ASS1: variants seen among roughly 807,000 people sequenced by gnomAD.
ASS1 encodes the protein argininosuccinate synthase 1.
ASS1 carries 58 observed loss-of-function variants against 60.5 expected under a neutral mutation model. That is an observed-to-expected ratio of 0.96 (90% CI 0.78 to 1.19). ASS1 has a LOEUF of 1.19. Among genes scored for constraint, ASS1 ranks in the 50% most tolerant of loss-of-function variants. The pLI is 0.00. For missense variants in ASS1, 454 were observed against 547.3 expected, an observed-to-expected ratio of 0.83 and a Z score of 1.70; for synonymous variants, 200 against 206.9, an observed-to-expected ratio of 0.97 and a Z score of 0.29.
rs186107267 is a variant in ASS1 at position 130,445,670 on chromosome 9, G to C, written c.-6+675G>C. Among the ~76,000 whole-genome samples, 1,000 of 152,270 alleles carry C rather than the reference G, an allele frequency of 6.6e-3. 10 individuals are homozygous for C. Among genetic ancestry groups the C allele is most frequent in the Non-Finnish European group, 9.8e-3 (668 of 68,014 alleles). ...GCAGTGCCAGGAATATTTTCTATTC[G>C]GGCTGCTGTTGCCTTTGGCCCCTGG... On this transcript the variant is annotated intron_variant, in intron 1 of 14. Transcript: ENST00000352480.
Position 130,480,800 on chromosome 9 carries a change from C to T in ASS1, c.838+351C>T, listed in dbSNP as rs954331750. Among the ~76,000 whole-genome samples the T allele has an allele frequency of 5.9e-5, 9 of 152,220 alleles. No homozygotes were observed. The South Asian group carries it at 1.7e-3, about 28-fold the overall frequency. On this transcript the variant is annotated intron_variant, in intron 11 of 14. Transcript: ENST00000352480. ...GGTGTGGAGGCAGACCGTGCAGGCC[C>T]GATTTCGTGGTCATTAAGGCCGCAT...
chr9:130,471,442 T>G (rs771355143), intron 7 of ASS1, 43 bp from the exon 8 acceptor site: 1 of 1,610,952 alleles, frequency 6.2e-7, no homozygotes, highest in Non-Finnish European at 8.5e-7. Context: ...GGACATGCCA[T>G]GTCCCTCCCC....
intron 1 of ASS1, 43 bp from the exon 2 acceptor site, chr9:130,452,181 G>A (rs1845342252): frequency 6.4e-7 from 1 of 1,561,290 alleles, no homozygotes; most frequent in Non-Finnish European, 8.8e-7. Context: ...GGGGGGCACT[G>A]GCTGTCTCAG....
intron 11 of ASS1, among the ~76,000 whole-genome samples, chr9:130,481,262 A>C (rs1846166940): frequency 6.6e-6 from 1 of 152,044 alleles, no homozygotes; most frequent in African/African-American, 2.4e-5. Flanking sequence ...TGTGTGATAA[A>C]GCCATGCTGT....
At position 130,480,258 on chromosome 9, in the gene ASS1, G is replaced by A. The variant is rs1846134781; in HGVS notation, c.774-127G>A. On this transcript the variant is annotated intron_variant, in intron 10 of 14. Transcript: ENST00000352480. ...TGACCCGGCTCAGATGTCCTCTTGA[G>A]TCTTAGATCCTGAAATGCTGCCTAA... 18 of 1,051,486 alleles carry A rather than the reference G, an allele frequency of 1.7e-5. No individual in the cohort carries two copies. The East Asian group carries it at 4.5e-4, about 26-fold the overall frequency. The allele number at this position is 1,051,486 out of a possible 1,614,324, so 65.1% of individuals were successfully genotyped here. A position where few individuals can be genotyped will look rare whatever the true frequency, so the allele number is the denominator to read the frequency against.
chr9:130,490,195 C>A (rs1375081521), intron 12 of ASS1, among the ~76,000 whole-genome samples: 1 of 152,270 alleles, frequency 6.6e-6, no homozygotes, highest in African/African-American at 2.4e-5. Flanking sequence ...CAAAATCCAA[C>A]CCTCATGTGG....
At chr9:130,456,249 T>G (rs1845446733) in intron 3 of ASS1, among the ~76,000 whole-genome samples, 1 of 152,210 alleles carries the variant, frequency 6.6e-6, no homozygotes, top group South Asian at 2.1e-4. Context: ...GCAGATCACC[T>G]GAGGTCAGGA....
At chr9:130,463,679 G>A (rs1231055080) in intron 4 of ASS1, among the ~76,000 whole-genome samples, 1 of 152,204 alleles carries the variant, frequency 6.6e-6, no homozygotes, top group Non-Finnish European at 1.5e-5. Flanking sequence ...GTTCCCAAAT[G>A]TATGGGTATG....
chr9:130,484,830 C>T (rs1016795053), intron 11 of ASS1, among the ~76,000 whole-genome samples: 6 of 144,766 alleles, frequency 4.1e-5, no homozygotes, highest in Admixed American at 1.4e-4. Context: ...CACACACACA[C>T]GTGCGCGCGC....
In ASS1 at chr9:130,452,272, T is replaced by C; in HGVS notation, c.44T>C (p.Leu15Pro). The C allele has an allele frequency of 1.2e-6, 2 of 1,614,190 alleles. No homozygotes were observed. The highest frequency in any genetic ancestry group is 1.7e-6 in the Non-Finnish European group (2 of 1,180,018). The change falls in exon 2 of 15, where the codon CTG becomes CCG. Residue 15 changes from leucine to proline, a missense_variant. Physicochemically the swap from Leu to Pro is moderately conservative, Grantham distance 98. Transcript: ENST00000352480. ...GSVVLAYSGG[L>P]DTSCILVWLK... ...GTGGTTCTGGCCTACAGTGGCGGCC[T>C]GGACACCTCGTGCATCCTCGTGTGG...
chr9:130,489,201 G>A lies in ASS1; in HGVS notation c.839-132G>A. ...TTTGCAGCAAGCTGGGAGTGAATGG[G>A]TCCGGCCGGCTTGTCTCCTGTCAGA... On this transcript the variant is annotated intron_variant, in intron 11 of 14. Coordinates refer to ENST00000352480, the MANE Select transcript of ASS1 (RefSeq NM_054012.4). The surrounding 1 kb of genome is among the most constrained non-coding windows in gnomAD (Gnocchi z 4.1). 7.8e-7 allele frequency: 1 copy of A among 1,283,250 alleles called. No homozygotes were observed. The allele number at this position is 1,283,250 out of a possible 1,614,324, so 79.5% of individuals were successfully genotyped here.
At chr9:130,454,832 T>C (rs1043034667) in intron 3 of ASS1, among the ~76,000 whole-genome samples, 9 of 141,584 alleles carry the variant, frequency 6.4e-5, no homozygotes, top group Admixed American at 1.4e-4. Flanking sequence ...CATTCACCCA[T>C]CATCCATCCA....
chr9:130,476,626 C>T lies in ASS1; in HGVS notation c.598-245C>T, dbSNP rs946558737. On this transcript the variant is annotated intron_variant, in intron 8 of 14. Transcript: ENST00000352480. The surrounding 1 kb of genome is among the most constrained non-coding windows in gnomAD (Gnocchi z 4.9). The stretch of plus-strand genomic sequence containing the variant: ...ATTCTACCTCCAGCTGTGGGGGCGT[C>T]GAAGAAAAAGATGAGATCAAGTTGA... 35 of 587,102 alleles carry T rather than the reference C, an allele frequency of 6.0e-5. No homozygotes were observed. The highest frequency in any genetic ancestry group is 1.8e-4 in the South Asian group (9 of 49,820). 36.4% of individuals were successfully genotyped at this position (587,102 alleles called of 1,614,324 possible). A position where few individuals can be genotyped will look rare whatever the true frequency, so the allele number is the denominator to read the frequency against.
In ASS1 at chr9:130,488,752, C is replaced by G. The variant is rs1228118536; in HGVS notation, c.839-581C>G. Among the ~76,000 whole-genome samples the G allele has an allele frequency of 6.6e-6, 1 of 152,212 alleles. No homozygotes were observed. Among genetic ancestry groups the G allele is most frequent in the Non-Finnish European group, 1.5e-5 (1 of 68,028 alleles). Reference sequence around the variant, plus strand: ...ATTCAGTTCCCAGCTCCACCTAGAGCAAGTCCCTTCTCCTCTTGAGCTCAG... The same window carrying G: ...ATTCAGTTCCCAGCTCCACCTAGAGGAAGTCCCTTCTCCTCTTGAGCTCAG... On this transcript the variant is annotated intron_variant, in intron 11 of 14. Coordinates refer to ENST00000352480, the MANE Select transcript of ASS1 (RefSeq NM_054012.4). The surrounding 1 kb of genome is among the most constrained non-coding windows in gnomAD (Gnocchi z 5.2).
intron 9 of ASS1, among the ~76,000 whole-genome samples, chr9:130,479,344 C>T (rs542952112): frequency 2.6e-5 from 4 of 152,200 alleles, no homozygotes; most frequent in African/African-American, 7.2e-5. Flanking sequence ...CACACCTCGG[C>T]CAGGCGGCCC....
At chr9:130,452,144 G>T in intron 1 of ASS1, 80 bp from the exon 2 acceptor site, 1 of 1,249,146 alleles carries the variant, frequency 8.0e-7, no homozygotes, top group East Asian at 2.5e-5. Flanking sequence ...GGCCAAGGTC[G>T]GGGCTGGGCT....
At position 130,494,736 on chromosome 9, in the gene ASS1, A is replaced by T; in HGVS notation, c.971-131A>T. 8.3e-7 allele frequency: 1 copy of T among 1,197,644 alleles called. No homozygotes were observed. Among genetic ancestry groups the T allele is most frequent in the Non-Finnish European group, 1.2e-6 (1 of 824,498 alleles). 74.2% of individuals were successfully genotyped at this position (1,197,644 alleles called of 1,614,324 possible). On this transcript the variant is annotated intron_variant, in intron 12 of 14. Transcript: ENST00000352480. This position sits in a 1 kb window ranked among gnomAD's most constrained non-coding sequence, Gnocchi z 4.3. ...GCCACTGGCAAGCGCACATTGTGCC[A>T]GTCTCGCGGGAGGCAGTCATGGTCT... is the stretch of plus-strand genomic sequence containing the variant.
chr9:130,465,009 T>C (rs1460413058), intron 5 of ASS1, among the ~76,000 whole-genome samples: 5 of 147,608 alleles, frequency 3.4e-5, no homozygotes, highest in Admixed American at 2.0e-4. Flanking sequence ...TTATATAATA[T>C]GTATTACATA....
At chr9:130,474,343 CCCCTCT>C (rs1160112229) in intron 8 of ASS1, among the ~76,000 whole-genome samples, 8 of 152,182 alleles carry the variant, frequency 5.3e-5, no homozygotes, top group Middle Eastern at 3.2e-3. Flanking sequence ...GTCTTCCCAT[CCCCTCT>C]CCTTCCAAAT....
Sources: allele counts gnomAD v4.1 joint callset (sites outside exome capture counted in the v4.1 genomes callset), GRCh38; gene constraint gnomAD v4.1.1; non-coding constraint Gnocchi (gnomAD v3.1); transcripts MANE v1.5; gene names NCBI Gene and HGNC (gene_info 2026-07-23, HGNC 2026-07-21).